Variants in ANO1 observed in about 807,000 individuals in gnomAD.
The protein encoded by ANO1 is anoctamin-1.
In ANO1, 59 loss-of-function variants were observed where a neutral mutation model predicts 124.0. The ratio of observed to expected loss-of-function variants is 0.48; its 90% CI spans 0.39 to 0.59. ANO1 has a LOEUF of 0.59. ANO1 is among the 20% of genes least tolerant of loss of function. The probability of loss-of-function intolerance (pLI) is 0.00; values close to 1 mark genes in which losing one functional copy is unlikely to be tolerated. For synonymous variants in ANO1, 529 were observed against 532.0 expected (o/e 0.99, Z 0.08); for missense variants, 1,059 against 1,328.0 (o/e 0.80, Z 3.15).
At chr11:70,101,195 C>T (rs1279152418) in intron 2 of ANO1, among the ~76,000 whole-genome samples, 2 of 152,102 alleles carry the variant, frequency 1.3e-5, no homozygotes, top group Non-Finnish European at 2.9e-5. Flanking sequence ...GACCTGGAAG[C>T]TTTGCCCAGG....
chr11:69,988,725 C>CTTA (rs1856095155), intron 1 of ANO1, among the ~76,000 whole-genome samples: 1 of 152,188 alleles, frequency 6.6e-6, no homozygotes, highest in Non-Finnish European at 1.5e-5. Context: ...CGCTTGTGGT[C>CTTA]TGAACCTCCC....
chr11:70,092,199 T>C (rs941281025), intron 2 of ANO1, among the ~76,000 whole-genome samples: 6 of 152,322 alleles, frequency 3.9e-5, no homozygotes, highest in African/African-American at 1.4e-4. Flanking sequence ...GTCTTCTTCT[T>C]GTAAGGACAC....
intron 1 of ANO1, among the ~76,000 whole-genome samples, chr11:69,990,366 T>G (rs1856130403): frequency 6.6e-6 from 1 of 152,266 alleles, no homozygotes; most frequent in Admixed American, 6.5e-5. Context: ...ATTGAATGGA[T>G]ATACCACATT....
chr11:70,093,085 TTC>T (rs964253142), intron 2 of ANO1, among the ~76,000 whole-genome samples: 1 of 147,772 alleles, frequency 6.8e-6, no homozygotes, highest in Non-Finnish European at 1.5e-5. Flanking sequence ...TCTCTCTCAC[TTC>T]TCTCTGTCTC....
chr11:70,059,405 G>A (rs1555007416), intron 1 of ANO1, among the ~76,000 whole-genome samples: 1 of 151,590 alleles, frequency 6.6e-6, no homozygotes, highest in Non-Finnish European at 1.5e-5. Context: ...AAGTAGGGAG[G>A]CCAAGTCGGG....
intron 1 of ANO1, among the ~76,000 whole-genome samples, chr11:70,019,247 A>C (rs4997355): frequency 0.6 from 60,658 of 100,908 alleles, 16,364 homozygotes; most frequent in East Asian, 0.76. Context: ...ACCCCCCCAC[A>C]CACACACACA....
chr11:70,069,994 A>G (rs1435264831), intron 1 of ANO1, among the ~76,000 whole-genome samples: 2 of 152,224 alleles, frequency 1.3e-5, no homozygotes, highest in Non-Finnish European at 2.9e-5. Context: ...TTTTGTCTAC[A>G]TAAGCGAAGG....
chr11:70,101,222 G>A (rs879713184), intron 2 of ANO1, among the ~76,000 whole-genome samples: 8 of 151,716 alleles, frequency 5.3e-5, no homozygotes, highest in South Asian at 4.2e-4. Flanking sequence ...GGACCGTCGC[G>A]TTCACAGGCT....
chr11:70,122,757 C>G (rs557826757), intron 8 of ANO1, among the ~76,000 whole-genome samples: 2 of 152,094 alleles, frequency 1.3e-5, no homozygotes, highest in Admixed American at 6.5e-5. Flanking sequence ...CTGTCTCCCC[C>G]CTTCCTCCCT....
rs374527165 is a variant in ANO1 at position 70,141,330 on chromosome 11, C to CTG, written c.1259-8380_1259-8379insTG. 2.7e-3 allele frequency among the ~76,000 whole-genome samples: 414 copies of CTG among 152,318 alleles called. 4 individuals carry two copies. The highest frequency in any genetic ancestry group is 9.5e-3 in the African/African-American group (394 of 41,562). On this transcript the variant is annotated intron_variant, in intron 11 of 25. Transcript: ENST00000355303. ...TTGCGCCCCAAGAGCTGCGGGCCAG[C>CTG]CCCTTCGTAGCAGATGGCTACATTC...
chr11:70,040,932 A>G (rs1857173186), intron 1 of ANO1, among the ~76,000 whole-genome samples: 1 of 152,226 alleles, frequency 6.6e-6, no homozygotes, highest in African/African-American at 2.4e-5. Context: ...CAAGTTGAAC[A>G]AAGAACTTTC....
intron 2 of ANO1, among the ~76,000 whole-genome samples, chr11:70,089,921 C>A (rs768162418): frequency 6.6e-6 from 1 of 152,224 alleles, no homozygotes; most frequent in Non-Finnish European, 1.5e-5. Flanking sequence ...CGAGGCCACT[C>A]TCTGGGAGCT....
intron 1 of ANO1, among the ~76,000 whole-genome samples, chr11:70,059,019 T>TAA (rs782382103): frequency 2.8e-4 from 39 of 139,888 alleles, no homozygotes; most frequent in Non-Finnish European, 4.2e-4. Flanking sequence ...CCGTCTCTAC[T>TAA]AAAAAAAAAA....
intron 1 of ANO1, among the ~76,000 whole-genome samples, chr11:70,037,747 T>C (rs990967338): frequency 6.6e-6 from 1 of 152,098 alleles, no homozygotes; most frequent in African/African-American, 2.4e-5. Flanking sequence ...TTTCTGCTTG[T>C]TGAGTACTCA....
chr11:69,978,047 C>T, the ANO1 span, among the ~76,000 whole-genome samples: 2 of 152,108 alleles, frequency 1.3e-5, no homozygotes, highest in East Asian at 3.9e-4. Flanking sequence ...GGCAGCTTGG[C>T]CCGGTGTTTT....
At chr11:70,139,243 G>A (rs1391139750) in intron 11 of ANO1, among the ~76,000 whole-genome samples, 2 of 152,102 alleles carry the variant, frequency 1.3e-5, no homozygotes, top group East Asian at 3.9e-4. Flanking sequence ...TGCAAACTCC[G>A]CCTCCCATGT....
chr11:70,130,844 C>T (rs1053526376), intron 10 of ANO1, among the ~76,000 whole-genome samples: 4 of 152,218 alleles, frequency 2.6e-5, no homozygotes, highest in East Asian at 3.9e-4. Flanking sequence ...CTATTCCTTC[C>T]GGCCCAGCCC....
Position 70,038,334 on chromosome 11 carries a change from C to T in ANO1, c.59-40208C>T, listed in dbSNP as rs144190169. 2.7e-4 allele frequency among the ~76,000 whole-genome samples: 41 copies of T among 152,252 alleles called. No individual in the cohort carries two copies. In the East Asian group the frequency reaches 6.8e-3, roughly 25 times the overall value. On this transcript the variant is annotated intron_variant, in intron 1 of 27. Coordinates refer to the ANO1 transcript ENST00000531349. The stretch of plus-strand genomic sequence containing the variant: ...GAAAAGTTTCAAGCTGTTAGCCAAT[C>T]GGGTCAAGCTTAGAATGTGAGGTCC...
intron 25 of ANO1, among the ~76,000 whole-genome samples, chr11:70,186,202 A>G (rs561979635): frequency 6.4e-4 from 98 of 152,112 alleles, no homozygotes; most frequent in Admixed American, 1.2e-3. Flanking sequence ...CAAGAGAATC[A>G]CTTGAACCCA....
Sources: gnomAD v4.1 joint callset for allele counts (sites outside exome capture counted in the v4.1 genomes callset) on GRCh38, gnomAD v4.1.1 for gene constraint, MANE v1.5 for transcripts, NCBI Gene and HGNC (gene_info 2026-07-23, HGNC 2026-07-21) for gene names.